PDE1C: variants seen among roughly 807,000 people sequenced by gnomAD.
PDE1C encodes the protein dual specificity calcium/calmodulin-dependent 3',5'-cyclic nucleotide phosphodiesterase 1C.
A neutral mutation model predicts 93.1 loss-of-function variants in PDE1C; 62 were observed. The ratio of observed to expected loss-of-function variants is 0.67; its 90% CI spans 0.54 to 0.82. The LOEUF (loss-of-function observed/expected upper bound fraction) is 0.82. PDE1C is among the 40% of genes least tolerant of loss of function. The probability of loss-of-function intolerance (pLI) is 0.00; values close to 1 mark genes in which losing one functional copy is unlikely to be tolerated. For missense variants in PDE1C, 742 were observed against 884.6 expected (o/e 0.84, Z 2.04); for synonymous variants, 325 against 310.1 (o/e 1.05, Z -0.50).
intron 2 of PDE1C, among the ~76,000 whole-genome samples, chr7:32,016,537 A>T (rs1290337705): frequency 2.0e-5 from 3 of 152,244 alleles, no homozygotes. Flanking sequence ...TGGAAAGAAT[A>T]TAAATAGAAG....
At chr7:32,120,624 A>G (rs1799244587) in intron 3 of PDE1C, among the ~76,000 whole-genome samples, 1 of 152,138 alleles carries the variant, frequency 6.6e-6, no homozygotes, top group South Asian at 2.1e-4. Context: ...CCCAGTAAAG[A>G]CAGCAGCCCT....
chr7:31,738,716 G>C, the PDE1C span, among the ~76,000 whole-genome samples: 1 of 152,142 alleles, frequency 6.6e-6, no homozygotes, highest in Non-Finnish European at 1.5e-5. Flanking sequence ...TGGCCAGCTG[G>C]TGAGGAAAAA....
chr7:32,159,125 G>T (rs578181124), intron 3 of PDE1C, among the ~76,000 whole-genome samples: 2 of 152,170 alleles, frequency 1.3e-5, no homozygotes, highest in Admixed American at 1.3e-4. Context: ...AGAGGGTGGG[G>T]GAGGACAAAT....
At chr7:31,928,603 C>G (rs575381438) in intron 2 of PDE1C, among the ~76,000 whole-genome samples, 24 of 152,236 alleles carry the variant, frequency 1.6e-4, no homozygotes, top group South Asian at 6.2e-4. Flanking sequence ...AACCCTACAA[C>G]CCAGAAGAGA....
At chr7:31,623,585 G>T in the PDE1C span, among the ~76,000 whole-genome samples, 1 of 150,478 alleles carries the variant, frequency 6.6e-6, no homozygotes, top group African/African-American at 2.4e-5. Flanking sequence ...CAATAAATTA[G>T]GTATTGATGG....
chr7:31,756,522 C>T (rs919614281), intron 17 of PDE1C, among the ~76,000 whole-genome samples: 27 of 151,912 alleles, frequency 1.8e-4, no homozygotes, highest in African/African-American at 6.3e-4. Flanking sequence ...CCGGATGGGA[C>T]CCTGGGACAG....
At chr7:31,672,240 CA>C in the PDE1C span, among the ~76,000 whole-genome samples, 1 of 151,942 alleles carries the variant, frequency 6.6e-6, no homozygotes, top group Non-Finnish European at 1.5e-5. Flanking sequence ...TACACTTCAC[CA>C]AAAAGAGAAA....
the PDE1C span, among the ~76,000 whole-genome samples, chr7:31,716,447 T>C: frequency 1.3e-5 from 2 of 152,160 alleles, no homozygotes; most frequent in African/African-American, 4.8e-5. Context: ...AATAATATGG[T>C]TCACATTTCA....
In PDE1C at chr7:32,017,544, C is replaced by A. The variant is rs1788071616; in HGVS notation, c.128+34010G>T. Among the ~76,000 whole-genome samples, 3 of 152,026 alleles carry A rather than the reference C, an allele frequency of 2.0e-5. No homozygotes were observed. The East Asian group carries it at 5.8e-4, about 29-fold the overall frequency. ...CATTTTGTGCTTTAAATGATACCAT[C>A]AAGAAAGTAAAAAGAAAAAGCACAC... On this transcript the variant is annotated intron_variant, in intron 2 of 17. Coordinates refer to ENST00000396191, the MANE Select transcript of PDE1C (RefSeq NM_001191057.4).
chr7:32,128,324 A>G (rs953465420), intron 3 of PDE1C, among the ~76,000 whole-genome samples: 1 of 151,956 alleles, frequency 6.6e-6, no homozygotes, highest in Non-Finnish European at 1.5e-5. Context: ...TGTTCTAAAC[A>G]TGAAACATAA....
intron 1 of PDE1C, among the ~76,000 whole-genome samples, chr7:32,294,048 A>G (rs774809837): frequency 7.9e-5 from 12 of 151,854 alleles, no homozygotes; most frequent in Non-Finnish European, 1.6e-4. Context: ...AGCCAATTCA[A>G]TCAGACCTCA....
At chr7:32,072,974 T>C (rs147845030), upstream of PDE1C, among the ~76,000 whole-genome samples, 545 of 152,324 alleles carry the variant, frequency 3.6e-3, 1 homozygote, top group Non-Finnish European at 6.4e-3. Flanking sequence ...GAAAAAGAAA[T>C]TGCTGAAAAG....
intron 1 of PDE1C, among the ~76,000 whole-genome samples, chr7:32,254,298 G>A (rs116182028): frequency 0.014 from 2,068 of 152,262 alleles, 53 homozygotes; most frequent in African/African-American, 0.046. Flanking sequence ...TGAGGACCAA[G>A]GCCAGTGACA....
At chr7:32,036,433 C>T (rs1359586364) in intron 2 of PDE1C, among the ~76,000 whole-genome samples, 2 of 151,950 alleles carry the variant, frequency 1.3e-5, no homozygotes, top group Non-Finnish European at 2.9e-5. Flanking sequence ...AAATGAAGAG[C>T]AAATTAAACC....
At chr7:31,873,201 C>A in intron 6 of PDE1C, 91 bp downstream of exon 6, 1 of 756,722 alleles carries the variant, frequency 1.3e-6, no homozygotes, top group Non-Finnish European at 2.2e-6. Context: ...GTTTTCATTC[C>A]GCATATTAAA....
intron 1 of PDE1C, among the ~76,000 whole-genome samples, chr7:32,218,343 T>G (rs1429317883): frequency 6.6e-6 from 1 of 152,246 alleles, no homozygotes; most frequent in Non-Finnish European, 1.5e-5. Flanking sequence ...TAATTTGTAG[T>G]TGATGATGCA....
At chr7:31,649,924 T>A in the PDE1C span, among the ~76,000 whole-genome samples, 1 of 151,868 alleles carries the variant, frequency 6.6e-6, no homozygotes, top group Admixed American at 6.6e-5. Context: ...TGTGCAGAGG[T>A]GATTTGGGCA....
At chr7:32,230,030 G>A (rs1807577802) in intron 1 of PDE1C, among the ~76,000 whole-genome samples, 1 of 152,212 alleles carries the variant, frequency 6.6e-6, no homozygotes, top group African/African-American at 2.4e-5. Flanking sequence ...GAAGGAGCGG[G>A]CAGCTCAGAA....
Position 32,104,442 on chromosome 7 carries a change from TA to T in PDE1C, c.308+65342del, listed in dbSNP as rs143453609. ...ATTTCAAACAAATGTAAGAGTAGAA[TA>T]AAGACATTTTAAGACATGCAAGTTT... On this transcript the variant is annotated intron_variant, in intron 3 of 18. Coordinates refer to the PDE1C transcript ENST00000396193. Among the ~76,000 whole-genome samples, 563 of 152,294 alleles carry T rather than the reference TA, an allele frequency of 3.7e-3. 4 individuals carry two copies. Among genetic ancestry groups the T allele is most frequent in the African/African-American group, 0.013 (543 of 41,572 alleles).
Sources: gnomAD v4.1 joint callset for allele counts (sites outside exome capture counted in the v4.1 genomes callset) on GRCh38, gnomAD v4.1.1 for gene constraint, MANE v1.5 for transcripts, NCBI Gene and HGNC (gene_info 2026-07-23, HGNC 2026-07-21) for gene names.